Variants in IRF7 observed in about 807,000 individuals in gnomAD.
IRF7 encodes the protein interferon regulatory factor 7.
A neutral mutation model predicts 51.3 loss-of-function variants in IRF7; 67 were observed. That is an observed-to-expected ratio of 1.31 (90% confidence interval 1.07 to 1.60). IRF7 has a LOEUF of 1.60. Ranked by LOEUF, IRF7 falls within the 40% of genes most tolerant of loss-of-function variation. The pLI is 0.00. For missense variants in IRF7, 873 were observed against 701.5 expected, an observed-to-expected ratio of 1.24 and a Z score of -2.76; for synonymous variants, 427 against 301.3, an observed-to-expected ratio of 1.42 and a Z score of -4.32.
In IRF7 at chr11:615,217, C is replaced by T; in HGVS notation, c.63G>A (p.Glu21=). 2 of 1,596,336 alleles carry T rather than the reference C, an allele frequency of 1.3e-6. No homozygotes were observed. Among genetic ancestry groups the T allele is most frequent in the Non-Finnish European group, 8.5e-7 (1 of 1,175,452 alleles). The stretch of plus-strand genomic sequence containing the variant: ...GCCCCTCATAGCAGCCGCTGCTGAT[C>T]TCTCCAAGGAGCCACTCTCCGAACA... ...RVLFGEWLLG[E]ISSGCYEGLQ... is the part of the protein sequence containing the mutation. Residue 21 remains glutamate (E), a synonymous_variant, in exon 3 of 11, where the codon GAG becomes GAA. Coordinates refer to ENST00000525445, the MANE Select transcript of IRF7 (RefSeq NM_001572.5).
At chr11:613,684 G>T (rs1348906096) in intron 8 of IRF7, 89 bp from the exon 9 acceptor site, 289 of 787,228 alleles carry the variant, frequency 3.7e-4, no homozygotes, top group Middle Eastern at 1.3e-3. Flanking sequence ...GTGAGTGACG[G>T]GGGTGGGCGG....
chr11:615,284 T>A, intron 2 of IRF7, 25 bp from the exon 3 acceptor site: 1 of 1,577,454 alleles, frequency 6.3e-7, no homozygotes, highest in Admixed American at 1.7e-5. Context: ...CCGCGGAGAG[T>A]CAGGGCCGGC....
chr11:613,570 C>T lies in IRF7; in HGVS notation c.873G>A (p.Val291=). 6.3e-7 allele frequency: 1 copy of T among 1,575,496 alleles called. No individual in the cohort carries two copies. Among genetic ancestry groups the T allele is most frequent in the East Asian group, 2.2e-5 (1 of 44,470 alleles). ...CCGTGCGGCCCTTGTACATGATGGT[C>T]ACGTCCAGCGCCCCTGGGCTGGGCT... ...VQEPSPGALD[V]TIMYKGRTVL... is the part of the protein sequence containing the mutation. The change falls in exon 9 of 11, where the codon GTG becomes GTA. Residue 291 remains valine, a synonymous_variant. Coordinates refer to ENST00000525445, the MANE Select transcript of IRF7 (RefSeq NM_001572.5).
Position 615,515 on chromosome 11 carries a change from C to A in IRF7, c.-151G>T. 1 of 829,790 alleles carries A rather than the reference C, an allele frequency of 1.2e-6. No individual in the cohort carries two copies. The highest frequency in any genetic ancestry group is 1.8e-6 in the Non-Finnish European group (1 of 558,916). 51.4% of individuals were successfully genotyped at this position (829,790 alleles called of 1,614,324 possible). ...GGTGTGGACTGAGGGCTTGTAGCCA[C>A]CGACGCTGCCTCGGTATGGATCTCT... On this transcript the variant is annotated 5_prime_UTR_variant, in exon 2 of 11. Transcript: ENST00000525445.
chr11:614,207 C>G lies in IRF7; in HGVS notation c.646G>C (p.Glu216Gln), dbSNP rs1238495238. The G allele has an allele frequency of 6.2e-7, 1 of 1,612,912 alleles. No homozygotes were observed. The highest frequency in any genetic ancestry group is 1.7e-5 in the Admixed American group (1 of 59,986). The change falls in exon 6 of 11, where the codon GAA becomes CAA. Residue 216 changes from glutamate (E) to glutamine (Q), a missense_variant. Physicochemically the swap from Glu to Gln is conservative, Grantham distance 29. Transcript: ENST00000525445. ...VPTKAPGEGQEGLPLTGACAG... is the reference protein window; with the variant it reads ...VPTKAPGEGQQGLPLTGACAG... The stretch of plus-strand genomic sequence containing the variant: ...CAGGCCCCAGTCAGGGGAAGCCCTT[C>G]TTGTCCCTCTCCAGGAGCCTTGGTT...
rs777145619 is a variant in IRF7 at position 614,987 on chromosome 11, G to T, written c.204C>A (p.Gly68=). The change falls in exon 4 of 11, where the codon GGC becomes GGA. Residue 68 remains glycine (G), a synonymous_variant. Transcript: ENST00000525445. ...CTCCCCTGCTGCTAGGCGGCCACCTGCCGCGGGCCACAGCCCAGGCCTGAA... is the reference window on the plus strand; with the variant it reads ...CTCCCCTGCTGCTAGGCGGCCACCTTCCGCGGGCCACAGCCCAGGCCTGAA... ...RIFKAWAVAR[G]RWPPSSRGGG... is the part of the protein sequence containing the mutation. 3.3e-5 allele frequency: 51 copies of T among 1,546,748 alleles called. No homozygotes were observed. Among genetic ancestry groups the T allele is most frequent in the Non-Finnish European group, 4.1e-5 (47 of 1,151,476 alleles).
Position 615,084 on chromosome 11 carries a change from C to G in IRF7, c.183+13G>C. ...CTCTCCCACCCGGGGCGGGGCGGGGCTGGGGTCCCCACCTTGAAGATGCGC... is the reference window on the plus strand; with the variant it reads ...CTCTCCCACCCGGGGCGGGGCGGGGGTGGGGTCCCCACCTTGAAGATGCGC... On this transcript the variant is annotated intron_variant, in intron 3 of 10. Transcript: ENST00000525445. 6.4e-7 allele frequency: 1 copy of G among 1,572,750 alleles called. No homozygotes were observed. Among genetic ancestry groups the G allele is most frequent in the Non-Finnish European group, 8.6e-7 (1 of 1,165,622 alleles).
rs747550236 is a variant in IRF7, at chr11:613,828, C to T, written c.804G>A (p.Glu268=). ...CGCTTGGGGAGGGTGACAGGTACGGCTCTGCCTGGTGCGGGGACTCTGGGG... is the reference window on the plus strand; with the variant it reads ...CGCTTGGGGAGGGTGACAGGTACGGTTCTGCCTGGTGCGGGGACTCTGGGG... ...AAAPESPHQA[E]PYLSPSPSAC... Residue 268 remains glutamate (E), a synonymous_variant, in exon 8 of 11, where the codon GAG becomes GAA. Coordinates refer to ENST00000525445, the MANE Select transcript of IRF7 (RefSeq NM_001572.5). 4.8e-5 allele frequency: 76 copies of T among 1,592,414 alleles called. No homozygotes were observed. Among genetic ancestry groups the T allele is most frequent in the Non-Finnish European group, 5.7e-5 (67 of 1,173,010 alleles).
Position 613,485 on chromosome 11 carries a change from C to G in IRF7, c.958G>C (p.Ala320Pro). ...TGCTGGGGGTCTGTGGCCCGGACAG[C>G]TGGGTCTGGGGGGCCGTATAGGAAC... The part of the protein sequence containing the change: ...CTFLYGPPDP[A>P]VRATDPQQVA... Residue 320 changes from alanine (A) to proline (P), a missense_variant, in exon 9 of 11, where the codon GCT becomes CCT. Physicochemically the swap from Ala to Pro is conservative, Grantham distance 27 (BLOSUM62 -1). Coordinates refer to ENST00000525445, the MANE Select transcript of IRF7 (RefSeq NM_001572.5). 1.3e-6 allele frequency: 2 copies of G among 1,542,908 alleles called. No individual in the cohort carries two copies. Among genetic ancestry groups the G allele is most frequent in the Non-Finnish European group, 1.7e-6 (2 of 1,146,348 alleles).
rs1245545649 is a variant in IRF7 at position 612,716 on chromosome 11, A to G, written c.1441T>C (p.Cys481Arg). 1 of 1,612,838 alleles carries G rather than the reference A, an allele frequency of 6.2e-7. No homozygotes were observed. Among genetic ancestry groups the G allele is most frequent in the Non-Finnish European group, 8.5e-7 (1 of 1,180,020 alleles). ...TAGAGGCTGTTGGCGCTGGACAGGC[A>G]GAGGCTGAGGCTGCTGCTATCCAGG... ...SSLDSSSLSLCLSSANSLYDD... is the reference protein window; with the variant it reads ...SSLDSSSLSLRLSSANSLYDD... The change falls in exon 11 of 11, where the codon TGC (cysteine) becomes CGC (arginine). Residue 481 changes from cysteine to arginine, a missense_variant. Coordinates refer to ENST00000525445, the MANE Select transcript of IRF7 (RefSeq NM_001572.5).
rs766957924 is a variant in IRF7, at chr11:615,580, G to A, written c.-216C>T. The A allele has an allele frequency of 4.7e-4, 236 of 506,244 alleles. No individual in the cohort carries two copies. Among genetic ancestry groups the A allele is most frequent in the Non-Finnish European group, 6.4e-4 (188 of 292,906 alleles). 31.4% of individuals were successfully genotyped at this position (506,244 alleles called of 1,614,324 possible). On this transcript the variant is annotated 5_prime_UTR_variant, in exon 2 of 11. Coordinates refer to ENST00000525445, the MANE Select transcript of IRF7 (RefSeq NM_001572.5). Reference sequence around the variant, plus strand: ...ACAGGTGTGACTGCAGGTGTGGCCGGCGCGCACACATGAAGTCACAGGTGT... The same window carrying A: ...ACAGGTGTGACTGCAGGTGTGGCCGACGCGCACACATGAAGTCACAGGTGT...
intron 4 of IRF7, 36 bp downstream of exon 4, chr11:614,761 C>T (rs1303709720): frequency 4.6e-6 from 7 of 1,516,474 alleles, no homozygotes; most frequent in African/African-American, 1.4e-5. Flanking sequence ...CCAAGCAGGA[C>T]GAATGCCAAC....
intron 2 of IRF7, 33 bp from the exon 3 acceptor site, chr11:615,292 G>A (rs1856778828): frequency 5.1e-6 from 8 of 1,573,926 alleles, no homozygotes; most frequent in South Asian, 1.1e-5. Context: ...AGTCAGGGCC[G>A]GCTGCAGGGC....
chr11:613,786 T>TGGGA lies in IRF7; in HGVS notation c.845_846insTCCC (p.Gln282HisfsTer121). 1 of 1,559,306 alleles carries TGGGA rather than the reference T, an allele frequency of 6.4e-7. No homozygotes were observed. Among genetic ancestry groups the TGGGA allele is most frequent in the Admixed American group, 2.2e-5 (1 of 46,428 alleles). Reference sequence around the variant, plus strand: ...TGCCCCTTCCTGGGATGCACTCACCTTGCACCGCGGTGCAGGCGCTTGGGG... The same window carrying TGGGA: ...TGCCCCTTCCTGGGATGCACTCACCTGGGATGCACCGCGGTGCAGGCGCTTGGGG... On this transcript the variant is annotated frameshift_variant and splice_region_variant, in exon 8 of 11. Transcript: ENST00000525445. LOFTEE classifies it high-confidence loss of function.
chr11:614,982 C>T lies in IRF7; in HGVS notation c.209G>A (p.Trp70Ter), dbSNP rs1056641712. Residue 70 changes from tryptophan to a stop codon, truncating the protein, a stop_gained, in exon 4 of 11, where the codon TGG becomes TAG. Coordinates refer to ENST00000525445, the MANE Select transcript of IRF7 (RefSeq NM_001572.5). LOFTEE classifies it high-confidence loss of function. ...GCCACCTCCCCTGCTGCTAGGCGGC[C>T]ACCTGCCGCGGGCCACAGCCCAGGC... ...FKAWAVARGR[W>*]PPSSRGGGPP... The T allele has an allele frequency of 1.9e-6, 3 of 1,547,836 alleles. No homozygotes were observed. Among genetic ancestry groups the T allele is most frequent in the Admixed American group, 3.7e-5 (2 of 54,056 alleles).
Position 614,547 on chromosome 11 carries a change from G to C in IRF7, c.395-13C>G. Reference sequence around the variant, plus strand: ...GTGCCTGGGCCTTCTGAGAGAGAATGGGGCAGGCGTTAGGCCCCGACACCA... The same window carrying C: ...GTGCCTGGGCCTTCTGAGAGAGAATCGGGCAGGCGTTAGGCCCCGACACCA... On this transcript the variant is annotated splice_polypyrimidine_tract_variant and intron_variant, in intron 4 of 10. Transcript: ENST00000525445. 1 of 1,551,568 alleles carries C rather than the reference G, an allele frequency of 6.4e-7. No homozygotes were observed. Among genetic ancestry groups the C allele is most frequent in the Non-Finnish European group, 8.7e-7 (1 of 1,147,252 alleles).
Position 614,279 on chromosome 11 carries a change from G to A in IRF7, c.574C>T (p.Leu192=), listed in dbSNP as rs894537241. The A allele has an allele frequency of 3.1e-6, 5 of 1,612,314 alleles. No individual in the cohort carries two copies. The highest frequency in any genetic ancestry group is 3.3e-5 in the Admixed American group (2 of 59,902). The part of the protein sequence containing the change: ...LLLQAVQQSC[L]ADHLLTASWG... ...GACGCTGTCAGCAGATGGTCTGCCA[G>A]GCAGCTCTGTTGCACTGCCTGGAGC... Residue 192 remains leucine (L), a synonymous_variant, in exon 6 of 11, where the codon CTG becomes TTG. Coordinates refer to ENST00000525445, the MANE Select transcript of IRF7 (RefSeq NM_001572.5).
In IRF7 at chr11:613,840, C is replaced by A; in HGVS notation, c.792G>T (p.Pro264=). The change falls in exon 8 of 11, where the codon CCG becomes CCT. Residue 264 remains proline (P), a synonymous_variant. Transcript: ENST00000525445. ...GTGACAGGTACGGCTCTGCCTGGTG[C>A]GGGGACTCTGGGGCCGCGGCCTCGC... is the stretch of plus-strand genomic sequence containing the variant. ...TTGEAAAPES[P]HQAEPYLSPS... is the part of the protein sequence containing the mutation. 6.3e-7 allele frequency: 1 copy of A among 1,597,928 alleles called. No individual in the cohort carries two copies. The highest frequency in any genetic ancestry group is 1.1e-5 in the South Asian group (1 of 88,960).
At position 614,231 on chromosome 11, in the gene IRF7, T is replaced by A. The variant is rs758170845; in HGVS notation, c.622A>T (p.Thr208Ser). 6.2e-7 allele frequency: 1 copy of A among 1,612,834 alleles called. No individual in the cohort carries two copies. Among genetic ancestry groups the A allele is most frequent in the Non-Finnish European group, 8.5e-7 (1 of 1,179,856 alleles). ...TCTTGTCCCTCTCCAGGAGCCTTGG[T>A]TGGGACTGGATCTGCCCCCCATGAC... ...TASWGADPVP[T>S]KAPGEGQEGL... Residue 208 changes from threonine to serine, a missense_variant, in exon 6 of 11, where the codon ACC becomes TCC. Physicochemically the swap from Thr to Ser is moderately conservative, Grantham distance 58. Transcript: ENST00000525445.
Sources: gnomAD v4.1 joint callset for allele counts on GRCh38, gnomAD v4.1.1 for gene constraint, MANE v1.5 for transcripts, NCBI Gene and HGNC (gene_info 2026-07-23, HGNC 2026-07-21) for gene names.